The following NAV3 variants were observed in gnomAD, a reference collection of about 807,000 sequenced individuals.
The protein encoded by NAV3 is pore membrane and/or filament interacting like protein 1.
NAV3 carries 87 observed loss-of-function variants against 244.7 expected under a neutral mutation model. The ratio of observed to expected loss-of-function variants is 0.36; its 90% CI spans 0.30 to 0.42. The LOEUF is 0.42. Among genes scored for constraint, NAV3 ranks in the 20% least tolerant of loss-of-function variants. NAV3 has a pLI of 1.00. For missense variants in NAV3, 2,663 were observed against 2,893.3 expected, an observed-to-expected ratio of 0.92 and a Z score of 1.83; for synonymous variants, 1,126 against 1,042.2, an observed-to-expected ratio of 1.08 and a Z score of -1.55.
chr12:77,634,171 A>G (rs1872050912), intron 2 of NAV3, among the ~76,000 whole-genome samples: 2 of 152,012 alleles, frequency 1.3e-5, no homozygotes, highest in East Asian at 3.9e-4. Context: ...GAACATTAAA[A>G]TGAAGACACT....
At chr12:78,168,340 A>G (rs1353241791) in intron 23 of NAV3, among the ~76,000 whole-genome samples, 1 of 151,862 alleles carries the variant, frequency 6.6e-6, no homozygotes, top group African/African-American at 2.4e-5. Context: ...ACAAAACTTC[A>G]GGTTTGCAGT....
chr12:77,600,018 A>G (rs779074492), intron 2 of NAV3, among the ~76,000 whole-genome samples: 4 of 152,012 alleles, frequency 2.6e-5, no homozygotes, highest in Non-Finnish European at 4.4e-5. Context: ...AGCCTGTCAG[A>G]TCTTTGAAGA....
intron 34 of NAV3, among the ~76,000 whole-genome samples, chr12:78,196,089 G>A (rs148840147): frequency 6.6e-6 from 1 of 152,114 alleles, no homozygotes; most frequent in African/African-American, 2.4e-5. Context: ...ACTTAATGTA[G>A]CTAAATTAGT....
intron 2 of NAV3, among the ~76,000 whole-genome samples, chr12:77,717,014 C>T (rs1448784846): frequency 6.6e-6 from 1 of 151,934 alleles, no homozygotes; most frequent in Non-Finnish European, 1.5e-5. Flanking sequence ...TGCTTTGCAG[C>T]TTGCTAAAAA....
chr12:78,107,528 C>A (rs1954863980), intron 12 of NAV3, among the ~76,000 whole-genome samples: 1 of 151,888 alleles, frequency 6.6e-6, no homozygotes, highest in Admixed American at 6.6e-5. Context: ...ATGAAGTAAA[C>A]CTTATCAGAC....
At chr12:77,969,142 ATG>A (rs3078729) in intron 5 of NAV3, among the ~76,000 whole-genome samples, 49,203 of 147,488 alleles carry the variant, frequency 0.33, 8,283 homozygotes, top group Non-Finnish European at 0.39. Context: ...AGTGTTTTTG[ATG>A]TGTGTGTGTG....
At chr12:78,034,918 T>C (rs1318645298) in intron 9 of NAV3, among the ~76,000 whole-genome samples, 1 of 152,240 alleles carries the variant, frequency 6.6e-6, no homozygotes, top group African/African-American at 2.4e-5. Flanking sequence ...ACATTTTATA[T>C]AAACGAGTAG....
rs548242623 is a variant in NAV3, at chr12:78,129,899, T to C, written c.4441+1033T>C. Reference sequence around the variant, plus strand: ...CAATTCCATCATGAAAGTACTCCTTTGACATTATATAAAAAATTAGTAATA... The same window carrying C: ...CAATTCCATCATGAAAGTACTCCTTCGACATTATATAAAAAATTAGTAATA... On this transcript the variant is annotated intron_variant, in intron 18 of 39. Transcript: ENST00000397909. Among the ~76,000 whole-genome samples the C allele has an allele frequency of 7.2e-5, 11 of 152,286 alleles. No homozygotes were observed. In the South Asian group the frequency reaches 2.3e-3, roughly 32 times the overall value.
At chr12:77,907,357 G>A (rs775422789) in intron 1 of NAV3, among the ~76,000 whole-genome samples, 6 of 152,128 alleles carry the variant, frequency 3.9e-5, no homozygotes, top group East Asian at 1.9e-4. Flanking sequence ...TCTACAGGTT[G>A]AACTTTGGTT....
intron 5 of NAV3, among the ~76,000 whole-genome samples, chr12:77,980,767 G>A (rs1197277298): frequency 6.6e-6 from 1 of 152,138 alleles, no homozygotes. Context: ...GTAAGTAACA[G>A]CATTGTGGAA....
At chr12:78,162,928 ATAAATTACATATT>A (rs2139459452) in intron 23 of NAV3, among the ~76,000 whole-genome samples, 1 of 143,066 alleles carries the variant, frequency 7.0e-6, no homozygotes, top group African/African-American at 2.5e-5. Flanking sequence ...TAATATATAT[ATAAATTACATATT>A]TATAAATATG....
chr12:77,970,354 C>T (rs995390413), intron 5 of NAV3, among the ~76,000 whole-genome samples: 1 of 152,144 alleles, frequency 6.6e-6, no homozygotes, highest in East Asian at 1.9e-4. Flanking sequence ...CCACCTCCCA[C>T]TTACTGTCAG....
chr12:78,162,212 A>C (rs1250539323), intron 23 of NAV3, among the ~76,000 whole-genome samples: 1 of 152,132 alleles, frequency 6.6e-6, no homozygotes. Context: ...GCTGAGATAA[A>C]AGGGTATATT....
intron 2 of NAV3, among the ~76,000 whole-genome samples, chr12:77,808,483 G>T (rs1362583788): frequency 6.6e-6 from 1 of 152,180 alleles, no homozygotes; most frequent in Non-Finnish European, 1.5e-5. Context: ...GACCCTGTTT[G>T]CCTGGGTATC....
At chr12:78,136,217 T>C (rs1292427876) in intron 18 of NAV3, among the ~76,000 whole-genome samples, 2 of 152,216 alleles carry the variant, frequency 1.3e-5, no homozygotes, top group Non-Finnish European at 1.5e-5. Context: ...AAATACTCGT[T>C]AGTTCCCTTT....
In NAV3 at chr12:77,766,735, G is replaced by GTTTGTTTGT. The variant is rs1555202961; in HGVS notation, c.73-173581_73-173580insGTTTGTTTT. Among the ~76,000 whole-genome samples, 58 of 60,516 alleles carry GTTTGTTTGT rather than the reference G, an allele frequency of 9.6e-4. 5 individuals are homozygous for GTTTGTTTGT. The highest frequency in any genetic ancestry group is 1.9e-3 in the Admixed American group (8 of 4,128). 39.7% of individuals were successfully genotyped at this position (60,516 alleles called of 152,430 possible). The stretch of plus-strand genomic sequence containing the variant: ...AGGATTCTAAAAAACAGGCAATTAA[G>GTTTGTTTGT]TTTTTTTTTTTTTTTTTTTTTTTTT... On this transcript the variant is annotated intron_variant, in intron 2 of 8. Coordinates refer to the NAV3 transcript ENST00000550042.
At chr12:77,851,075 T>C (rs1052428003) in intron 1 of NAV3, among the ~76,000 whole-genome samples, 3 of 152,230 alleles carry the variant, frequency 2.0e-5, no homozygotes, top group Non-Finnish European at 4.4e-5. Context: ...TCATTTTTCC[T>C]CTGCTGTGGC....
intron 2 of NAV3, among the ~76,000 whole-genome samples, chr12:77,612,245 AC>A (rs1394659398): frequency 6.6e-6 from 1 of 152,104 alleles, no homozygotes; most frequent in East Asian, 1.9e-4. Flanking sequence ...ATTTGACCCT[AC>A]TTGTGGAAGA....
chr12:77,648,040 C>A (rs1872674579), intron 2 of NAV3, among the ~76,000 whole-genome samples: 1 of 152,052 alleles, frequency 6.6e-6, no homozygotes, highest in Non-Finnish European at 1.5e-5. Context: ...TGATACTTCC[C>A]TGATGTTGGA....
Sources: gnomAD v4.1 joint callset for allele counts (sites outside exome capture counted in the v4.1 genomes callset) on GRCh38, gnomAD v4.1.1 for gene constraint, MANE v1.5 for transcripts, NCBI Gene and HGNC (gene_info 2026-07-23, HGNC 2026-07-21) for gene names.